HCRTR2: variants seen among roughly 807,000 people sequenced by gnomAD.
The protein encoded by HCRTR2 is hypocretin receptor 2, also known as orexin receptor type 2.
In HCRTR2, 22 loss-of-function variants were observed where a neutral mutation model predicts 49.0. That is an observed-to-expected ratio of 0.45 (90% confidence interval 0.32 to 0.64). The LOEUF (loss-of-function observed/expected upper bound fraction) is 0.64. Ranked by LOEUF, HCRTR2 falls within the 30% of genes least tolerant of loss-of-function variation. HCRTR2 has a pLI of 0.04. For missense variants in HCRTR2, 491 were observed against 559.4 expected (o/e 0.88, Z 1.23); for synonymous variants, 236 against 205.3 (o/e 1.15, Z -1.28).
chr6:55,223,656 A>G (rs1765941431), intron 1 of HCRTR2, among the ~76,000 whole-genome samples: 4 of 152,004 alleles, frequency 2.6e-5, no homozygotes, highest in African/African-American at 9.7e-5. Flanking sequence ...ATTTTTTATC[A>G]CTTGAGAATA....
chr6:55,246,807 A>T (rs909169252), intron 1 of HCRTR2, among the ~76,000 whole-genome samples: 7 of 152,074 alleles, frequency 4.6e-5, no homozygotes, highest in African/African-American at 1.4e-4. Context: ...GAAACTAGTT[A>T]ATAATTTAAA....
At chr6:55,133,825 A>C (rs920957037) in intron 1 of HCRTR2, among the ~76,000 whole-genome samples, 3 of 151,818 alleles carry the variant, frequency 2.0e-5, no homozygotes, top group Non-Finnish European at 4.4e-5. Flanking sequence ...ATAATTTAAT[A>C]ATTTTAGCAG....
At chr6:55,203,431 G>T (rs565836385) in intron 1 of HCRTR2, among the ~76,000 whole-genome samples, 1 of 152,260 alleles carries the variant, frequency 6.6e-6, no homozygotes, top group African/African-American at 2.4e-5. Context: ...ATAGTCAGGG[G>T]TTGGTAAAAT....
intron 1 of HCRTR2, among the ~76,000 whole-genome samples, chr6:55,124,653 C>G (rs570867963): frequency 6.6e-6 from 1 of 152,216 alleles, no homozygotes; most frequent in South Asian, 2.1e-4. Flanking sequence ...GAGTTCAAGT[C>G]CTGAATATCC....
At chr6:55,163,695 A>G (rs1228353565) in intron 1 of HCRTR2, among the ~76,000 whole-genome samples, 3 of 152,216 alleles carry the variant, frequency 2.0e-5, no homozygotes, top group Non-Finnish European at 4.4e-5. Context: ...CCTAGGAAAT[A>G]CCATTCAGGC....
chr6:55,108,619 T>A (rs1764007268), intron 1 of HCRTR2, among the ~76,000 whole-genome samples: 1 of 151,650 alleles, frequency 6.6e-6, no homozygotes, highest in South Asian at 2.1e-4. Context: ...AATATAAAAG[T>A]AGAAGCAGCA....
rs150104325 is a variant in HCRTR2, at chr6:55,263,480, G to A, written c.647-227G>A. Among the ~76,000 whole-genome samples the A allele has an allele frequency of 1.5e-4, 23 of 152,122 alleles. No homozygotes were observed. In the East Asian group the frequency reaches 2.9e-3, roughly 19 times the overall value. On this transcript the variant is annotated intron_variant, in intron 3 of 6. Transcript: ENST00000370862. ...AAATAGCTAATGCTTATTTTTCTGAGTACATTAAGTGAAATTACGACTTCA... is the reference window on the plus strand; with the variant it reads ...AAATAGCTAATGCTTATTTTTCTGAATACATTAAGTGAAATTACGACTTCA...
chr6:55,184,359 G>T (rs1387478028), intron 1 of HCRTR2, among the ~76,000 whole-genome samples: 1 of 151,944 alleles, frequency 6.6e-6, no homozygotes, highest in Non-Finnish European at 1.5e-5. Flanking sequence ...TTTATGATTA[G>T]TTACTGACTG....
At chr6:55,220,600 T>C (rs1009255829) in intron 1 of HCRTR2, among the ~76,000 whole-genome samples, 2 of 152,066 alleles carry the variant, frequency 1.3e-5, no homozygotes, top group Non-Finnish European at 2.9e-5. Context: ...ACAGATAACA[T>C]CATACTCAAT....
chr6:55,222,692 A>G (rs902767608), intron 1 of HCRTR2, among the ~76,000 whole-genome samples: 16 of 152,206 alleles, frequency 1.1e-4, no homozygotes, highest in African/African-American at 3.6e-4. Context: ...CAGAATGACA[A>G]ATACTGCATG....
intron 1 of HCRTR2, among the ~76,000 whole-genome samples, chr6:55,128,016 G>T (rs1375727009): frequency 6.6e-6 from 1 of 152,124 alleles, no homozygotes. Context: ...GCCCTGAATG[G>T]TATTGCCCAG....
intron 1 of HCRTR2, among the ~76,000 whole-genome samples, chr6:55,135,265 T>C (rs1016834005): frequency 1.2e-4 from 18 of 152,058 alleles, no homozygotes; most frequent in African/African-American, 4.1e-4. Flanking sequence ...TAGACTTTTG[T>C]TGTAAATAAG....
chr6:55,203,705 G>A (rs1202585830), intron 1 of HCRTR2, among the ~76,000 whole-genome samples: 1 of 152,058 alleles, frequency 6.6e-6, no homozygotes, highest in Admixed American at 6.6e-5. Context: ...AGTTATCCTA[G>A]GAAAGAACAT....
rs1764191208 is a variant in HCRTR2, at chr6:55,121,022, G to A, written c.-378+14477G>A. Among the ~76,000 whole-genome samples, 2 of 152,054 alleles carry A rather than the reference G, an allele frequency of 1.3e-5. 1 individual carries two copies. On this transcript the variant is annotated intron_variant, in intron 1 of 7. Coordinates refer to the HCRTR2 transcript ENST00000615358. ...TCCAGTTCTGTGAAGAAAGTCATTG[G>A]TAGCTTGATGCGGATGGCATTGAAT...
intron 1 of HCRTR2, among the ~76,000 whole-genome samples, chr6:55,189,168 T>C (rs529998193): frequency 5.9e-4 from 90 of 152,310 alleles, no homozygotes; most frequent in Non-Finnish European, 9.4e-4. Flanking sequence ...TAGTGTATTA[T>C]GGTGGATTGG....
At chr6:55,262,562 A>ATATATT (rs1350492574) in intron 3 of HCRTR2, among the ~76,000 whole-genome samples, 1 of 132,338 alleles carries the variant, frequency 7.6e-6, no homozygotes, top group East Asian at 2.0e-4. Context: ...ATTATATATT[A>ATATATT]TATATTTATA....
intron 1 of HCRTR2, among the ~76,000 whole-genome samples, chr6:55,145,498 C>T (rs933625334): frequency 1.3e-4 from 20 of 151,672 alleles, no homozygotes; most frequent in Admixed American, 1.1e-3. Flanking sequence ...GCAAGCTCCG[C>T]CTCCCGGGTT....
In HCRTR2 at chr6:55,123,671, C is replaced by T. The variant is rs546832676; in HGVS notation, c.-378+17126C>T. On this transcript the variant is annotated intron_variant, in intron 1 of 7. Coordinates refer to the HCRTR2 transcript ENST00000615358. ...GAATTAGGGAGGATTCCTGCTTTTT[C>T]TATTGTTTGGAATAGTTTCAGAAGG... Among the ~76,000 whole-genome samples the T allele has an allele frequency of 6.5e-3, 985 of 152,210 alleles. 5 individuals are homozygous for T. The highest frequency in any genetic ancestry group is 9.6e-3 in the Non-Finnish European group (656 of 68,002).
rs138424820 is a variant in HCRTR2, at chr6:55,224,952, A to G, written c.224-23687A>G. Among the ~76,000 whole-genome samples, 463 of 152,332 alleles carry G rather than the reference A, an allele frequency of 3.0e-3. 1 individual carries two copies. Among genetic ancestry groups the G allele is most frequent in the African/African-American group, 0.011 (450 of 41,578 alleles). On this transcript the variant is annotated intron_variant, in intron 1 of 6. Coordinates refer to ENST00000370862, the MANE Select transcript of HCRTR2 (RefSeq NM_001384272.1). ...GAGATCTATTGTACATGTTGAATAT[A>G]GTTAGTAACAATATTTTGTATCCTC...
Sources: gnomAD v4.1 joint callset for allele counts (sites outside exome capture counted in the v4.1 genomes callset) on GRCh38, gnomAD v4.1.1 for gene constraint, MANE v1.5 for transcripts, NCBI Gene and HGNC (gene_info 2026-07-23, HGNC 2026-07-21) for gene names.